Variants in KPNA6 observed in about 807,000 individuals in gnomAD.
KPNA6 encodes the protein importin subunit alpha-7.
A neutral mutation model predicts 72.0 loss-of-function variants in KPNA6; 9 were observed. The observed-to-expected ratio is 0.13, with a 90% CI of 0.08 to 0.22. The LOEUF (loss-of-function observed/expected upper bound fraction) is 0.22, where lower values mean the gene tolerates loss of function less well. Among genes scored for constraint, KPNA6 ranks in the 10% least tolerant of loss-of-function variants. The pLI is 1.00. For missense variants in KPNA6, 374 were observed against 655.7 expected (o/e 0.57, Z 4.69); for synonymous variants, 219 against 242.1 (o/e 0.90, Z 0.89).
At chr1:32,159,788 G>A (rs898584772) in intron 6 of KPNA6, among the ~76,000 whole-genome samples, 2 of 152,082 alleles carry the variant, frequency 1.3e-5, no homozygotes, top group Admixed American at 1.3e-4. Flanking sequence ...ACACATGGTT[G>A]GTATCAGAGA....
intron 1 of KPNA6, among the ~76,000 whole-genome samples, chr1:32,119,636 G>A (rs1641395751): frequency 6.6e-6 from 1 of 152,072 alleles, no homozygotes; most frequent in African/African-American, 2.4e-5. Flanking sequence ...CCTATTTCCT[G>A]GCTGCTACGC....
Position 32,162,763 on chromosome 1 carries a change from AG to A in KPNA6, c.911+241del, listed in dbSNP as rs1642261881. ...GGCAGGAGAATCATTTGAACCTGGG[AG>A]GCAGAGGTTGCAGTGAGCCGAGATC... On this transcript the variant is annotated intron_variant, in intron 9 of 13. Transcript: ENST00000373625. Among the ~76,000 whole-genome samples, 2 of 151,924 alleles carry A rather than the reference AG, an allele frequency of 1.3e-5. 1 individual carries two copies. The highest frequency in any genetic ancestry group is 4.2e-4 in the South Asian group (2 of 4,806).
In KPNA6 at chr1:32,170,954, C is replaced by A. The variant is rs1642424830; in HGVS notation, c.*60C>A. 2 of 1,494,912 alleles carry A rather than the reference C, an allele frequency of 1.3e-6. No individual in the cohort carries two copies. 92.6% of individuals were successfully genotyped at this position (1,494,912 alleles called of 1,614,324 possible). On this transcript the variant is annotated 3_prime_UTR_variant, in exon 14 of 14. Coordinates refer to ENST00000373625, the MANE Select transcript of KPNA6 (RefSeq NM_012316.5). ...ACCACCAGCCAGCGGAAGAGCAGCC[C>A]TCTGGTGGGCGGGAAACCAGTGTCC...
intron 1 of KPNA6, among the ~76,000 whole-genome samples, chr1:32,121,186 T>C (rs553508477): frequency 3.9e-5 from 6 of 152,190 alleles, no homozygotes; most frequent in Non-Finnish European, 7.3e-5. Flanking sequence ...CTAGGAGCTC[T>C]TTGAGTAATG....
chr1:32,119,032 ATTTT>A (rs71006332), intron 1 of KPNA6, among the ~76,000 whole-genome samples: 4 of 40,274 alleles, frequency 9.9e-5, no homozygotes, highest in Non-Finnish European at 1.2e-4. Flanking sequence ...ATATATATAT[ATTTT>A]TTTTTTTTTT....
chr1:32,126,534 G>A (rs1008894632), intron 1 of KPNA6, among the ~76,000 whole-genome samples: 1 of 151,950 alleles, frequency 6.6e-6, no homozygotes, highest in African/African-American at 2.4e-5. Context: ...ACAGGCGCCT[G>A]CCACTACACC....
intron 1 of KPNA6, among the ~76,000 whole-genome samples, chr1:32,150,169 A>G (rs1243851638): frequency 1.3e-4 from 13 of 100,998 alleles, no homozygotes; most frequent in Non-Finnish European, 1.7e-4. Flanking sequence ...GTCTTACTCT[A>G]TTGCCCAGGC....
rs1188325674 is a variant in KPNA6, at chr1:32,164,688, AT to A, written c.990+1391del. On this transcript the variant is annotated intron_variant, in intron 10 of 13. Transcript: ENST00000373625. The stretch of plus-strand genomic sequence containing the variant: ...TCATATGCTTATTGGCCATCTGTGT[AT>A]TTTTTTTTTTTTTTTGGACACATGT... 4.2e-3 allele frequency among the ~76,000 whole-genome samples: 502 copies of A among 118,408 alleles called. 1 individual carries two copies. The highest frequency in any genetic ancestry group is 0.021 in the South Asian group (84 of 3,938). 77.7% of individuals were successfully genotyped at this position (118,408 alleles called of 152,430 possible). A position where few individuals can be genotyped will look rare whatever the true frequency, so the allele number is the denominator to read the frequency against.
At position 32,162,379 on chromosome 1, in the gene KPNA6, G is replaced by A. The variant is rs1327865800; in HGVS notation, c.766G>A (p.Val256Ile). ...CCCACAGGTCTCTCCTTGTTTGCCT[G>A]TACTGTCTCGCCTACTCTTCAGCAG... ...EFAKVSPCLP[V>I]LSRLLFSSDS... The change falls in exon 9 of 14, where the codon GTA becomes ATA. Residue 256 changes from valine (V) to isoleucine (I), a missense_variant. By Grantham distance (29) the Val-to-Ile change is conservative (BLOSUM62 3). Transcript: ENST00000373625. 1 of 1,605,710 alleles carries A rather than the reference G, an allele frequency of 6.2e-7. No homozygotes were observed. The highest frequency in any genetic ancestry group is 8.5e-7 in the Non-Finnish European group (1 of 1,176,164).
intron 1 of KPNA6, among the ~76,000 whole-genome samples, chr1:32,126,026 TTTC>T (rs1394730025): frequency 6.6e-6 from 1 of 151,762 alleles, no homozygotes; most frequent in African/African-American, 2.4e-5. Flanking sequence ...AGAGCTTGTT[TTTC>T]TTTTTTCTTT....
chr1:32,155,536 T>C (rs1642123113), intron 2 of KPNA6, among the ~76,000 whole-genome samples: 2 of 151,790 alleles, frequency 1.3e-5, no homozygotes, highest in South Asian at 4.1e-4. Context: ...TTGGCCAGAC[T>C]GGTCTCGAAC....
intron 1 of KPNA6, among the ~76,000 whole-genome samples, chr1:32,149,485 C>T (rs1195330729): frequency 1.3e-5 from 2 of 152,128 alleles, no homozygotes; most frequent in Admixed American, 6.6e-5. Flanking sequence ...CTTGGCCTCC[C>T]GAAGTATTGG....
At chr1:32,120,946 G>A (rs1406687672) in intron 1 of KPNA6, among the ~76,000 whole-genome samples, 1 of 150,026 alleles carries the variant, frequency 6.7e-6, no homozygotes, top group Non-Finnish European at 1.5e-5. Flanking sequence ...ACAGCTCACT[G>A]CAACCTTTAT....
Position 32,173,338 on chromosome 1 carries a change from G to C in KPNA6, c.*2444G>C, listed in dbSNP as rs564143569. ...AAGACATACACATCCTGCTTGTCCA[G>C]CTGTTCCTCCAAAATCTACTTTGGC... On this transcript the variant is annotated 3_prime_UTR_variant, in exon 14 of 14. Coordinates refer to ENST00000373625, the MANE Select transcript of KPNA6 (RefSeq NM_012316.5). The C allele has an allele frequency of 5.3e-6, 2 of 378,940 alleles. No individual in the cohort carries two copies. The highest frequency in any genetic ancestry group is 4.2e-5 in the African/African-American group (2 of 48,176). The allele number at this position is 378,940 out of a possible 1,614,324, so 23.5% of individuals were successfully genotyped here.
chr1:32,147,511 T>TG (rs1182135663), intron 1 of KPNA6, among the ~76,000 whole-genome samples: 1 of 152,146 alleles, frequency 6.6e-6, no homozygotes, highest in East Asian at 1.9e-4. Context: ...TTTCCCAGGC[T>TG]GGTCTTGAAC....
At chr1:32,146,662 A>G (rs1641934370) in intron 1 of KPNA6, among the ~76,000 whole-genome samples, 1 of 152,214 alleles carries the variant, frequency 6.6e-6, no homozygotes, top group Admixed American at 6.6e-5. Flanking sequence ...TTGTGTGACC[A>G]ATAATGTAGA....
chr1:32,114,903 C>T (rs1641301457), intron 1 of KPNA6, among the ~76,000 whole-genome samples: 1 of 152,126 alleles, frequency 6.6e-6, no homozygotes, highest in South Asian at 2.1e-4. Context: ...TGCAGTGGCA[C>T]GATCTCGCCT....
intron 1 of KPNA6, among the ~76,000 whole-genome samples, chr1:32,127,207 G>T (rs1641551868): frequency 6.6e-6 from 1 of 152,214 alleles, no homozygotes; most frequent in Admixed American, 6.5e-5. Context: ...CAATTATACA[G>T]TTGGGCTTGG....
intron 1 of KPNA6, among the ~76,000 whole-genome samples, chr1:32,109,634 C>T (rs1641208916): frequency 6.7e-6 from 1 of 149,394 alleles, no homozygotes; most frequent in Non-Finnish European, 1.5e-5. Flanking sequence ...TGCATGTGGG[C>T]CCATTATGAA....
Sources: allele counts gnomAD v4.1 joint callset (sites outside exome capture counted in the v4.1 genomes callset), GRCh38; gene constraint gnomAD v4.1.1; transcripts MANE v1.5; gene names NCBI Gene and HGNC (gene_info 2026-07-23, HGNC 2026-07-21).